Variants in FILIP1L observed in about 807,000 individuals in gnomAD.
FILIP1L encodes filamin A interacting protein 1 like.
In FILIP1L, 55 loss-of-function variants were observed where a neutral mutation model predicts 96.6. The ratio of observed to expected loss-of-function variants is 0.57; its 90% CI spans 0.46 to 0.71. The LOEUF is 0.71. Ranked by LOEUF, FILIP1L falls within the 30% of genes least tolerant of loss-of-function variation. The probability of loss-of-function intolerance (pLI) is 0.00; values close to 1 mark genes in which losing one functional copy is unlikely to be tolerated. For synonymous variants in FILIP1L, 467 were observed against 473.9 expected, an observed-to-expected ratio of 0.99 and a Z score of 0.19; for missense variants, 1,304 against 1,321.2, an observed-to-expected ratio of 0.99 and a Z score of 0.20.
chr3:100,048,910 G>A (rs2065323130), intron 1 of FILIP1L, among the ~76,000 whole-genome samples: 1 of 152,130 alleles, frequency 6.6e-6, no homozygotes, highest in South Asian at 2.1e-4. Context: ...TATGGACTTG[G>A]ACAGTTATGG....
At chr3:99,869,130 T>C (rs1326213754) in intron 4 of FILIP1L, among the ~76,000 whole-genome samples, 1 of 152,100 alleles carries the variant, frequency 6.6e-6, no homozygotes, top group Non-Finnish European at 1.5e-5. Context: ...ACAAGTAGAG[T>C]TTTGTTCCTC....
chr3:99,939,811 C>T (rs970516210), intron 1 of FILIP1L, among the ~76,000 whole-genome samples: 1 of 152,188 alleles, frequency 6.6e-6, no homozygotes, highest in Non-Finnish European at 1.5e-5. Context: ...TCCTCGTCTG[C>T]AAGATTCAGG....
At chr3:99,974,818 T>A (rs1219816751) in intron 1 of FILIP1L, among the ~76,000 whole-genome samples, 1 of 152,222 alleles carries the variant, frequency 6.6e-6, no homozygotes, top group Non-Finnish European at 1.5e-5. Context: ...ATAAAGATAA[T>A]AATTTAGTCC....
At chr3:99,930,130 A>G in intron 2 of FILIP1L, 101 bp from the exon 3 acceptor site, 2 of 894,722 alleles carry the variant, frequency 2.2e-6, no homozygotes, top group Non-Finnish European at 3.4e-6. Context: ...TCTCTTTCAA[A>G]TCTAAATGAA....
chr3:99,931,081 T>C, intron 1 of FILIP1L, 51 bp from the exon 2 acceptor site: 1 of 1,460,752 alleles, frequency 6.8e-7, no homozygotes, highest in East Asian at 2.3e-5. Context: ...GGAGTTTTAA[T>C]AAGAGTACCT....
chr3:99,920,680 G>T (rs1707097227), intron 4 of FILIP1L, among the ~76,000 whole-genome samples: 1 of 152,200 alleles, frequency 6.6e-6, no homozygotes, highest in African/African-American at 2.4e-5. Flanking sequence ...CCCTCAGTGG[G>T]AAAGCCAATT....
At chr3:100,102,847 G>C (rs2066332651) in intron 1 of FILIP1L, among the ~76,000 whole-genome samples, 5 of 152,228 alleles carry the variant, frequency 3.3e-5, no homozygotes. Flanking sequence ...AAGTGTATAG[G>C]AGAGAGGTTT....
chr3:99,840,460 G>C (rs1489418747), intron 5 of FILIP1L, among the ~76,000 whole-genome samples: 1 of 152,040 alleles, frequency 6.6e-6, no homozygotes, highest in Non-Finnish European at 1.5e-5. Flanking sequence ...CTGACCTCAT[G>C]ATCTGCCCGC....
intron 1 of FILIP1L, among the ~76,000 whole-genome samples, chr3:100,067,501 G>A (rs970227958): frequency 6.6e-6 from 1 of 152,162 alleles, no homozygotes; most frequent in South Asian, 2.1e-4. Flanking sequence ...TGTTTTTCAG[G>A]TGAAATCTGA....
At chr3:100,030,224 G>A (rs2065000721) in intron 1 of FILIP1L, among the ~76,000 whole-genome samples, 1 of 151,962 alleles carries the variant, frequency 6.6e-6, no homozygotes, top group Non-Finnish European at 1.5e-5. Context: ...CTCTTTTTGG[G>A]CATTTTGACT....
At chr3:100,054,973 T>C (rs185235747) in intron 1 of FILIP1L, among the ~76,000 whole-genome samples, 107 of 152,326 alleles carry the variant, frequency 7.0e-4, no homozygotes, top group Non-Finnish European at 4.1e-4. Flanking sequence ...CTTTCCCAGC[T>C]TGCAGAGCCT....
At chr3:99,883,107 T>G (rs559433048) in intron 4 of FILIP1L, among the ~76,000 whole-genome samples, 2 of 152,336 alleles carry the variant, frequency 1.3e-5, no homozygotes, top group South Asian at 4.1e-4. Context: ...TCAAAAGTCT[T>G]GTGTCTACGC....
intron 1 of FILIP1L, among the ~76,000 whole-genome samples, chr3:99,936,239 T>C (rs1707662828): frequency 6.6e-6 from 1 of 151,938 alleles, no homozygotes; most frequent in African/African-American, 2.4e-5. Flanking sequence ...TACTCCAATT[T>C]AGAGAAAGAA....
chr3:100,095,392 A>G, intron 1 of FILIP1L, among the ~76,000 whole-genome samples: 1 of 152,224 alleles, frequency 6.6e-6, no homozygotes, highest in East Asian at 1.9e-4. Context: ...CGTGAATTCA[A>G]CCAACTACAT....
chr3:99,833,481 A>G (rs369170696), intron 5 of FILIP1L, among the ~76,000 whole-genome samples: 3 of 152,348 alleles, frequency 2.0e-5, no homozygotes, highest in South Asian at 4.1e-4. Context: ...CTATAGCCCA[A>G]TTTCTACATG....
chr3:100,023,750 A>G (rs915062940), intron 1 of FILIP1L, among the ~76,000 whole-genome samples: 1 of 152,164 alleles, frequency 6.6e-6, no homozygotes. Flanking sequence ...CGCCATTGCA[A>G]ACTAGTATTT....
intron 1 of FILIP1L, among the ~76,000 whole-genome samples, chr3:100,037,829 C>A (rs2065132944): frequency 6.6e-6 from 1 of 152,054 alleles, no homozygotes; most frequent in Non-Finnish European, 1.5e-5. Context: ...CAGATTAAGA[C>A]CTTTAAAAAA....
chr3:99,844,337 T>G (rs767377388), intron 5 of FILIP1L, among the ~76,000 whole-genome samples: 3 of 152,330 alleles, frequency 2.0e-5, no homozygotes, highest in Admixed American at 6.5e-5. Flanking sequence ...GATTTTACTC[T>G]GAGATACGCT....
chr3:100,028,140 G>A (rs1388010117), intron 1 of FILIP1L, among the ~76,000 whole-genome samples: 1 of 152,202 alleles, frequency 6.6e-6, no homozygotes, highest in Non-Finnish European at 1.5e-5. Context: ...CAGGCAGCAT[G>A]CTAATTGCTT....
Sources: allele counts gnomAD v4.1 joint callset (sites outside exome capture counted in the v4.1 genomes callset), GRCh38; gene constraint gnomAD v4.1.1; transcripts MANE v1.5; gene names NCBI Gene and HGNC (gene_info 2026-07-23, HGNC 2026-07-21).